The following ACOD1 variants were observed in gnomAD, a reference collection of about 807,000 sequenced individuals.
ACOD1 encodes the protein cis-aconitate decarboxylase.
A neutral mutation model predicts 14.2 loss-of-function variants in ACOD1; 14 were observed. The ratio of observed to expected loss-of-function variants is 0.99; its 90% CI spans 0.65 to 1.54. ACOD1 has a LOEUF of 1.54. ACOD1 is among the 40% of genes most tolerant of loss of function. ACOD1 has a pLI of 0.00. For missense variants in ACOD1, 530 were observed against 586.3 expected, an observed-to-expected ratio of 0.90 and a Z score of 0.99; for synonymous variants, 182 against 221.7, an observed-to-expected ratio of 0.82 and a Z score of 1.59.
chr13:76,955,658 T>A (rs1166758048), intron 4 of ACOD1, 134 bp downstream of exon 4: 2 of 735,518 alleles, frequency 2.7e-6, no homozygotes, highest in Admixed American at 5.2e-5. Context: ...GATAAGTCAA[T>A]ACACCAGTCA....
In ACOD1 at chr13:76,957,861, T is replaced by TA; in HGVS notation, c.1323dup (p.Val442SerfsTer33). 1 of 1,551,078 alleles carries TA rather than the reference T, an allele frequency of 6.4e-7. No homozygotes were observed. The highest frequency in any genetic ancestry group is 1.4e-5 in the African/African-American group (1 of 73,168). ...GACACAGTGGAAAGCCTTATAAAGA[T>TA]AGTCAAAAATCTAGAAGACCTAGAA... On this transcript the variant is annotated frameshift_variant, in exon 5 of 5. Coordinates refer to ENST00000377462, the MANE Select transcript of ACOD1 (RefSeq NM_001258406.2). LOFTEE classifies it low-confidence loss of function (END_TRUNC).
At chr13:76,949,164 G>A (rs1489639984) in intron 1 of ACOD1, among the ~76,000 whole-genome samples, 1 of 152,090 alleles carries the variant, frequency 6.6e-6, no homozygotes, top group Non-Finnish European at 1.5e-5. Flanking sequence ...CTACTCGGGA[G>A]GCTGAGGCAG....
chr13:76,957,564 T>C lies in ACOD1; in HGVS notation c.1025T>C (p.Leu342Pro). The C allele has an allele frequency of 6.4e-7, 1 of 1,550,662 alleles. No individual in the cohort carries two copies. Among genetic ancestry groups the C allele is most frequent in the Non-Finnish European group, 8.7e-7 (1 of 1,147,006 alleles). ...TTCCAGTATGTGGCCTGTGCCATGC[T>C]GCTTGATGGTGGCATCACTGTCCCC... ...HSFQYVACAM[L>P]LDGGITVPSF... Residue 342 changes from leucine (L) to proline (P), a missense_variant, in exon 5 of 5, where the codon CTG becomes CCG. Physicochemically the swap from Leu to Pro is moderately conservative, Grantham distance 98 (BLOSUM62 -3). Coordinates refer to ENST00000377462, the MANE Select transcript of ACOD1 (RefSeq NM_001258406.2).
intron 1 of ACOD1, among the ~76,000 whole-genome samples, chr13:76,949,871 G>A (rs1437583550): frequency 6.6e-6 from 1 of 152,092 alleles, no homozygotes; most frequent in Admixed American, 6.6e-5. Context: ...ATTTCTAGCA[G>A]CGTGAAAATC....
chr13:76,955,798 C>T (rs940849524), intron 4 of ACOD1, among the ~76,000 whole-genome samples: 1 of 152,150 alleles, frequency 6.6e-6, no homozygotes. Context: ...CTGAGTATTC[C>T]TTATTTCATT....
Position 76,957,740 on chromosome 13 carries a change from C to T in ACOD1, c.1201C>T (p.Arg401Cys), listed in dbSNP as rs766355759. The part of the protein sequence containing the change: ...TLKDGATFTD[R>C]SDTFYGHWRK... ...CAAGGATGGAGCCACCTTCACAGAT[C>T]GCTCTGATACCTTCTATGGGCACTG... The change falls in exon 5 of 5, where the codon CGC becomes TGC. Residue 401 changes from arginine to cysteine, a missense_variant. By Grantham distance (180) the Arg-to-Cys change is radical. Transcript: ENST00000377462. 18 of 1,550,558 alleles carry T rather than the reference C, an allele frequency of 1.2e-5. No individual in the cohort carries two copies. Among genetic ancestry groups the T allele is most frequent in the East Asian group, 4.9e-5 (2 of 40,934 alleles).
chr13:76,955,946 A>ATTTATGTTGCCAGT (rs945743421), intron 4 of ACOD1, among the ~76,000 whole-genome samples: 2 of 152,230 alleles, frequency 1.3e-5, no homozygotes, highest in Non-Finnish European at 2.9e-5. Context: ...TCAGTCTCAG[A>ATTTATGTTGCCAGT]TTTATGTTGC....
chr13:76,957,737 G>C lies in ACOD1; in HGVS notation c.1198G>C (p.Asp400His). 1 of 1,550,676 alleles carries C rather than the reference G, an allele frequency of 6.4e-7. No homozygotes were observed. Among genetic ancestry groups the C allele is most frequent in the Non-Finnish European group, 8.7e-7 (1 of 1,147,016 alleles). The change falls in exon 5 of 5, where the codon GAT becomes CAT. Residue 400 changes from aspartate to histidine, a missense_variant. Physicochemically the swap from Asp to His is moderately conservative, Grantham distance 81. Transcript: ENST00000377462. ...VTLKDGATFT[D>H]RSDTFYGHWR... is the part of the protein sequence containing the mutation. The stretch of plus-strand genomic sequence containing the variant: ...CCTCAAGGATGGAGCCACCTTCACA[G>C]ATCGCTCTGATACCTTCTATGGGCA...
Position 76,955,144 on chromosome 13 carries a change from A to G in ACOD1, c.265-175A>G, listed in dbSNP as rs908613486. Among the ~76,000 whole-genome samples, 77 of 150,444 alleles carry G rather than the reference A, an allele frequency of 5.1e-4. 1 individual carries two copies. The highest frequency in any genetic ancestry group is 1.5e-3 in the African/African-American group (63 of 41,188). ...TCTGTCTCAAAAAAAAAAAAAAAAA[A>G]AAAAAAAAGAAAAAAAATCACAGAC... On this transcript the variant is annotated intron_variant, in intron 3 of 4. Transcript: ENST00000377462.
At chr13:76,950,753 C>A (rs192514719) in intron 1 of ACOD1, among the ~76,000 whole-genome samples, 3 of 152,224 alleles carry the variant, frequency 2.0e-5, no homozygotes, top group African/African-American at 7.2e-5. Flanking sequence ...CAACTGCCTA[C>A]AGGAATCTTT....
In ACOD1 at chr13:76,958,356, G is replaced by A. The variant is rs2033901662; in HGVS notation, c.*371G>A. 1 of 190,048 alleles carries A rather than the reference G, an allele frequency of 5.3e-6. No individual in the cohort carries two copies. The highest frequency in any genetic ancestry group is 2.4e-5 in the African/African-American group (1 of 41,922). The allele number at this position is 190,048 out of a possible 1,614,324, so 11.8% of individuals were successfully genotyped here. ...TTTTCTGACAGTGGAGAGGGCTCTG[G>A]TGCATTGTGTCACCAACAGATCTCC... On this transcript the variant is annotated 3_prime_UTR_variant, in exon 5 of 5. Coordinates refer to ENST00000377462, the MANE Select transcript of ACOD1 (RefSeq NM_001258406.2).
intron 4 of ACOD1, among the ~76,000 whole-genome samples, chr13:76,956,253 G>T (rs1331633052): frequency 6.6e-6 from 1 of 152,208 alleles, no homozygotes; most frequent in Non-Finnish European, 1.5e-5. Context: ...CCAGGCTGGA[G>T]TGCAGTGGTG....
At chr13:76,952,375 T>C in intron 1 of ACOD1, 114 bp from the exon 2 acceptor site, 1 of 833,718 alleles carries the variant, frequency 1.2e-6, no homozygotes, top group Non-Finnish European at 1.8e-6. Flanking sequence ...AGCAACTGGG[T>C]TTCTTGTAGT....
In ACOD1 at chr13:76,957,201, C is replaced by G. The variant is rs1450709982; in HGVS notation, c.662C>G (p.Ala221Gly). 1.9e-6 allele frequency: 3 copies of G among 1,550,520 alleles called. No homozygotes were observed. The African/African-American group carries it at 4.1e-5, about 21-fold the overall frequency. The stretch of plus-strand genomic sequence containing the variant: ...AATGCTGCCAAGCATGGGATAGAAG[C>G]TGCATTTTTGGCAATGTTGGGTCTC... ...IGNAAKHGIE[A>G]AFLAMLGLQG... Residue 221 changes from alanine (A) to glycine (G), a missense_variant, in exon 5 of 5, where the codon GCT becomes GGT. Physicochemically the swap from Ala to Gly is moderately conservative, Grantham distance 60. Transcript: ENST00000377462.
intron 1 of ACOD1, among the ~76,000 whole-genome samples, chr13:76,950,239 A>G (rs2033809623): frequency 6.6e-6 from 1 of 152,180 alleles, no homozygotes; most frequent in East Asian, 1.9e-4. Flanking sequence ...CTAAGATTTA[A>G]AAATGAAGTA....
chr13:76,956,894 C>A (rs1176998750), intron 4 of ACOD1, 116 bp from the exon 5 acceptor site: 5 of 1,104,338 alleles, frequency 4.5e-6, no homozygotes, highest in Non-Finnish European at 6.4e-6. Flanking sequence ...AGTAATGGAG[C>A]TGAGATCTGA....
chr13:76,949,139 C>A lies in ACOD1; in HGVS notation c.12+569C>A, dbSNP rs2033798886. Among the ~76,000 whole-genome samples the A allele has an allele frequency of 2.6e-5, 4 of 151,988 alleles. No homozygotes were observed. In the South Asian group the frequency reaches 6.2e-4, roughly 24 times the overall value. ...AAAATTAGCTGGGCGTGGTGGCAGG[C>A]GCCCGTAGTCCCAGCTACTCGGGAG... On this transcript the variant is annotated intron_variant, in intron 1 of 4. Coordinates refer to ENST00000377462, the MANE Select transcript of ACOD1 (RefSeq NM_001258406.2).
At position 76,953,705 on chromosome 13, in the gene ACOD1, C is replaced by T. The variant is rs769603492; in HGVS notation, c.264+16C>T. The stretch of plus-strand genomic sequence containing the variant: ...CGGTGTGGCTGTAAGGAGGTTTTCA[C>T]GTCTTTTCAACTATTAGATAATCAT... On this transcript the variant is annotated intron_variant, in intron 3 of 4. Transcript: ENST00000377462. The T allele has an allele frequency of 3.2e-5, 47 of 1,446,812 alleles. No individual in the cohort carries two copies. Among genetic ancestry groups the T allele is most frequent in the Middle Eastern group, 1.7e-4 (1 of 5,800 alleles). 89.6% of individuals were successfully genotyped at this position (1,446,812 alleles called of 1,614,324 possible). A position where few individuals can be genotyped will look rare whatever the true frequency, so the allele number is the denominator to read the frequency against.
At chr13:76,955,979 G>C (rs116866061) in intron 4 of ACOD1, among the ~76,000 whole-genome samples, 1 of 152,338 alleles carries the variant, frequency 6.6e-6, no homozygotes, top group East Asian at 1.9e-4. Flanking sequence ...CCTGCCAGGA[G>C]AGAAGTAAAT....
Sources: gnomAD v4.1 joint callset for allele counts (sites outside exome capture counted in the v4.1 genomes callset) on GRCh38, gnomAD v4.1.1 for gene constraint, MANE v1.5 for transcripts, NCBI Gene and HGNC (gene_info 2026-07-23, HGNC 2026-07-21) for gene names.